Variants in MAP2K6 observed in about 807,000 individuals in gnomAD.
MAP2K6 encodes dual specificity mitogen-activated protein kinase kinase 6.
Under a neutral mutation model 53.7 loss-of-function variants are expected in MAP2K6, and 16 were observed. The observed-to-expected ratio is 0.30, with a 90% confidence interval of 0.20 to 0.45. The LOEUF (loss-of-function observed/expected upper bound fraction) is 0.45. Ranked by LOEUF, MAP2K6 falls within the 20% of genes least tolerant of loss-of-function variation. MAP2K6 has a pLI of 1.00. For missense variants in MAP2K6, 204 were observed against 411.9 expected (o/e 0.50, Z 4.37); for synonymous variants, 132 against 143.1 (o/e 0.92, Z 0.55).
intron 2 of MAP2K6, among the ~76,000 whole-genome samples, chr17:69,516,600 C>T (rs1450967025): frequency 6.6e-6 from 1 of 152,186 alleles, no homozygotes; most frequent in African/African-American, 2.4e-5. Flanking sequence ...TTAATACTCA[C>T]TCCTGCTTCA....
chr17:69,534,740 C>T (rs956182150), intron 10 of MAP2K6, among the ~76,000 whole-genome samples: 2 of 152,060 alleles, frequency 1.3e-5, no homozygotes, highest in African/African-American at 4.8e-5. Context: ...TAGCTCAAAT[C>T]CCAGCAACCT....
At chr17:69,538,684 C>A (rs1051018265) in intron 11 of MAP2K6, among the ~76,000 whole-genome samples, 1 of 152,170 alleles carries the variant, frequency 6.6e-6, no homozygotes, top group Non-Finnish European at 1.5e-5. Context: ...TTATAGAAAT[C>A]CCAAATGTTT....
chr17:69,507,218 T>TC (rs1467605541), intron 2 of MAP2K6, among the ~76,000 whole-genome samples: 1 of 152,028 alleles, frequency 6.6e-6, no homozygotes, highest in Non-Finnish European at 1.5e-5. Context: ...CATGCCAAAC[T>TC]CCCCCGCCAT....
intron 1 of MAP2K6, among the ~76,000 whole-genome samples, chr17:69,442,877 A>G (rs1430874813): frequency 1.3e-5 from 2 of 152,208 alleles, no homozygotes; most frequent in South Asian, 2.1e-4. Flanking sequence ...CAAGGATGCA[A>G]TAAGTTTATT....
At chr17:69,527,240 C>T (rs1043794834) in intron 10 of MAP2K6, among the ~76,000 whole-genome samples, 7 of 152,260 alleles carry the variant, frequency 4.6e-5, no homozygotes, top group East Asian at 1.9e-4. Flanking sequence ...GAATTACTTT[C>T]GGTGAGAAGA....
chr17:69,542,382 A>T lies in MAP2K6; in HGVS notation c.*629A>T, dbSNP rs777983509. 14 of 152,628 alleles carry T rather than the reference A, an allele frequency of 9.2e-5. No homozygotes were observed. Among genetic ancestry groups the T allele is most frequent in the Non-Finnish European group, 1.5e-4 (10 of 68,038 alleles). The allele number at this position is 152,628 out of a possible 1,614,324, so 9.5% of individuals were successfully genotyped here. On this transcript the variant is annotated 3_prime_UTR_variant, in exon 12 of 12. Coordinates refer to ENST00000590474, the MANE Select transcript of MAP2K6 (RefSeq NM_002758.4). ...CTGTTGTGACTGCTGCCATTTTTGC[A>T]AACATCTGCCCAATCCTGGGTGATC...
intron 1 of MAP2K6, among the ~76,000 whole-genome samples, chr17:69,440,339 C>T (rs1213171178): frequency 3.9e-5 from 6 of 151,938 alleles, no homozygotes; most frequent in Admixed American, 2.6e-4. Context: ...TAAGCCACCA[C>T]GCCTGGCCTA....
At chr17:69,460,744 G>A (rs377588625) in intron 1 of MAP2K6, among the ~76,000 whole-genome samples, 2 of 152,146 alleles carry the variant, frequency 1.3e-5, no homozygotes, top group Non-Finnish European at 2.9e-5. Context: ...GGAACTACAG[G>A]GGTGTGCCAC....
intron 1 of MAP2K6, among the ~76,000 whole-genome samples, chr17:69,442,133 A>G (rs762317836): frequency 1.3e-5 from 2 of 152,204 alleles, no homozygotes; most frequent in Admixed American, 6.5e-5. Flanking sequence ...TTGAAAATCC[A>G]TTTAGTTACC....
chr17:69,440,695 G>T (rs1431830609), intron 1 of MAP2K6, among the ~76,000 whole-genome samples: 1 of 150,468 alleles, frequency 6.6e-6, no homozygotes, highest in African/African-American at 2.4e-5. Context: ...ATTTCTGAAG[G>T]GTATTTTCTC....
chr17:69,433,299 A>G (rs1411510912), intron 1 of MAP2K6: 1 of 152,252 alleles, frequency 6.6e-6, no homozygotes, highest in African/African-American at 2.4e-5. Flanking sequence ...AGTGTGGAAC[A>G]CAGATCTTGT....
chr17:69,531,293 G>A (rs1911072637), intron 10 of MAP2K6, among the ~76,000 whole-genome samples: 1 of 152,188 alleles, frequency 6.6e-6, no homozygotes, highest in South Asian at 2.1e-4. Context: ...GTAACTGTCA[G>A]AGTATTTGTG....
intron 1 of MAP2K6, among the ~76,000 whole-genome samples, chr17:69,490,763 T>A (rs1408158908): frequency 1.3e-5 from 2 of 152,146 alleles, no homozygotes; most frequent in Admixed American, 6.6e-5. Flanking sequence ...GCAGGTTTGT[T>A]ATATAGGTAG....
At chr17:69,419,913 C>CAA (rs56888655) in intron 1 of MAP2K6, among the ~76,000 whole-genome samples, 56,460 of 137,080 alleles carry the variant, frequency 0.41, 11,461 homozygotes, top group Middle Eastern at 0.47. Flanking sequence ...GACTTCATCT[C>CAA]AAAAAAAAAA....
intron 2 of MAP2K6, among the ~76,000 whole-genome samples, chr17:69,508,097 G>A (rs1422642477): frequency 8.8e-6 from 1 of 113,558 alleles, no homozygotes; most frequent in Non-Finnish European, 1.7e-5. Context: ...TGTTGCCCAG[G>A]CTGCAGTGCA....
rs561110423 is a variant in MAP2K6, at chr17:69,488,011, G to T, written c.17-17769G>T. Among the ~76,000 whole-genome samples, 8 of 152,236 alleles carry T rather than the reference G, an allele frequency of 5.3e-5. No homozygotes were observed. In the East Asian group the frequency reaches 1.4e-3, roughly 26 times the overall value. On this transcript the variant is annotated intron_variant, in intron 1 of 11. Transcript: ENST00000590474. ...TATAGCAAAAGAAACTAACACTAGA[G>T]TAAACAGACAACCTACAGAATGGGA...
At chr17:69,461,107 A>G (rs1156334707) in intron 1 of MAP2K6, among the ~76,000 whole-genome samples, 1 of 152,238 alleles carries the variant, frequency 6.6e-6, no homozygotes, top group Non-Finnish European at 1.5e-5. Flanking sequence ...TCCTTTTTCT[A>G]CTATAAAAAG....
In MAP2K6 at chr17:69,422,124, A is replaced by ATTT. The variant is rs35694490; in HGVS notation, c.16+7147_16+7149dup. ...ATGAAGTCTATCAGAAATCATCGTAATTTTTTTTTTTTTTTTTTTTTTTTT... is the reference window on the plus strand; with the variant it reads ...ATGAAGTCTATCAGAAATCATCGTAATTTTTTTTTTTTTTTTTTTTTTTTTTTT... On this transcript the variant is annotated intron_variant, in intron 1 of 11. Coordinates refer to ENST00000590474, the MANE Select transcript of MAP2K6 (RefSeq NM_002758.4). Among the ~76,000 whole-genome samples the ATTT allele has an allele frequency of 5.5e-3, 480 of 87,318 alleles. 2 individuals are homozygous for ATTT. The highest frequency in any genetic ancestry group is 6.6e-3 in the Non-Finnish European group (310 of 46,692). 57.3% of individuals were successfully genotyped at this position (87,318 alleles called of 152,430 possible).
intron 1 of MAP2K6, among the ~76,000 whole-genome samples, chr17:69,415,962 A>C (rs2145121093): frequency 6.6e-6 from 1 of 152,300 alleles, no homozygotes; most frequent in South Asian, 2.1e-4. Context: ...GGATTTAAAA[A>C]ATTCCTGATA....
Sources: allele counts gnomAD v4.1 joint callset (sites outside exome capture counted in the v4.1 genomes callset), GRCh38; gene constraint gnomAD v4.1.1; transcripts MANE v1.5; gene names NCBI Gene and HGNC (gene_info 2026-07-23, HGNC 2026-07-21).